The following TMEM266 variants were observed in gnomAD, a reference collection of about 807,000 sequenced individuals.
TMEM266 encodes the protein Hv1 related protein 1.
Under a neutral mutation model 50.5 loss-of-function variants are expected in TMEM266, and 33 were observed. The ratio of observed to expected loss-of-function variants is 0.65; its 90% CI spans 0.50 to 0.87. TMEM266 has a LOEUF of 0.87. TMEM266 is among the 40% of genes least tolerant of loss of function. TMEM266 has a pLI of 0.00. For synonymous variants in TMEM266, 310 were observed against 292.3 expected (o/e 1.06, Z -0.62); for missense variants, 655 against 695.1 (o/e 0.94, Z 0.65).
At chr15:76,109,610 A>G (rs899938987) in intron 1 of TMEM266, among the ~76,000 whole-genome samples, 5 of 152,180 alleles carry the variant, frequency 3.3e-5, no homozygotes, top group African/African-American at 1.2e-4. Context: ...TCCATGAGCC[A>G]TGATCCTGCC....
intron 2 of TMEM266, among the ~76,000 whole-genome samples, chr15:76,135,379 C>T (rs537190357): frequency 1.4e-3 from 216 of 152,316 alleles, no homozygotes; most frequent in African/African-American, 4.9e-3. Flanking sequence ...GAGATGGTGC[C>T]GGGCCGCTGG....
intron 9 of TMEM266, among the ~76,000 whole-genome samples, chr15:76,198,198 G>A (rs2038683999): frequency 6.6e-6 from 1 of 152,098 alleles, no homozygotes; most frequent in South Asian, 2.1e-4. Flanking sequence ...GTGGCTAAGG[G>A]ATCTACCTAA....
intron 3 of TMEM266, among the ~76,000 whole-genome samples, chr15:76,155,305 C>T (rs1251964764): frequency 6.6e-6 from 1 of 152,114 alleles, no homozygotes; most frequent in African/African-American, 2.4e-5. Context: ...TGAGGTTTGA[C>T]CTCAGCTCCC....
intron 8 of TMEM266, among the ~76,000 whole-genome samples, chr15:76,184,812 G>T (rs1041856406): frequency 2.6e-5 from 4 of 152,228 alleles, no homozygotes; most frequent in African/African-American, 7.2e-5. Context: ...AATGCATACT[G>T]CGGGCTTCCC....
In TMEM266 at chr15:76,204,542, C is replaced by T. The variant is rs894897751; in HGVS notation, c.*227C>T. 9 of 422,438 alleles carry T rather than the reference C, an allele frequency of 2.1e-5. No individual in the cohort carries two copies. The highest frequency in any genetic ancestry group is 3.5e-5 in the East Asian group (1 of 28,356). 26.2% of individuals were successfully genotyped at this position (422,438 alleles called of 1,614,324 possible). On this transcript the variant is annotated 3_prime_UTR_variant, in exon 11 of 11. Coordinates refer to ENST00000388942, the MANE Select transcript of TMEM266 (RefSeq NM_152335.3). ...GCCCTGCTCAGGGGAGGGTGGTGCT[C>T]GTGGCTGGGTTTTCTTTTTAACCAT...
chr15:76,112,631 C>CT (rs2037187035), intron 1 of TMEM266: 1 of 152,132 alleles, frequency 6.6e-6, no homozygotes, highest in Non-Finnish European at 1.5e-5. Flanking sequence ...GAGAGCTGTC[C>CT]TTTGAGTCTG....
intron 1 of TMEM266, among the ~76,000 whole-genome samples, chr15:76,066,965 G>A (rs1014450860): frequency 9.2e-5 from 14 of 152,026 alleles, no homozygotes; most frequent in African/African-American, 2.7e-4. Context: ...AGATGCCACC[G>A]GTACTACCGC....
chr15:76,068,496 A>G (rs930445374), intron 1 of TMEM266, among the ~76,000 whole-genome samples: 3 of 152,222 alleles, frequency 2.0e-5, no homozygotes, highest in Non-Finnish European at 4.4e-5. Flanking sequence ...ATATATGTAT[A>G]TGTTGAAGCC....
At chr15:76,184,136 G>C (rs934637391) in intron 8 of TMEM266, among the ~76,000 whole-genome samples, 1 of 152,222 alleles carries the variant, frequency 6.6e-6, no homozygotes, top group Non-Finnish European at 1.5e-5. Context: ...GACGGGGCTT[G>C]AGGCTGGCTC....
At position 76,098,351 on chromosome 15, in the gene TMEM266, T is replaced by G. The variant is rs1312972533; in HGVS notation, c.-96-35817T>G. On this transcript the variant is annotated intron_variant, in intron 1 of 10. Transcript: ENST00000388942. Reference sequence around the variant, plus strand: ...CTGACAGGCCCCTCTGCTGCTGGTCTGCTAGAGTTTGCTGGAGGACCACTC... The same window carrying G: ...CTGACAGGCCCCTCTGCTGCTGGTCGGCTAGAGTTTGCTGGAGGACCACTC... Among the ~76,000 whole-genome samples the G allele has an allele frequency of 2.6e-5, 4 of 152,122 alleles. No individual in the cohort carries two copies. The East Asian group carries it at 7.7e-4, about 29-fold the overall frequency.
chr15:76,133,542 GTAGT>G (rs1440134056), intron 1 of TMEM266, among the ~76,000 whole-genome samples: 1 of 152,204 alleles, frequency 6.6e-6, no homozygotes, highest in East Asian at 1.9e-4. Context: ...ATGACCTCAT[GTAGT>G]TAGTTCTGTT....
At chr15:76,092,930 C>T (rs994194463) in intron 1 of TMEM266, among the ~76,000 whole-genome samples, 1 of 149,488 alleles carries the variant, frequency 6.7e-6, no homozygotes, top group African/African-American at 2.4e-5. Context: ...GCCTCAGTCT[C>T]CTGAGTAGCT....
intron 1 of TMEM266, among the ~76,000 whole-genome samples, chr15:76,083,034 C>T (rs2036718771): frequency 6.6e-6 from 1 of 151,896 alleles, no homozygotes; most frequent in South Asian, 2.1e-4. Context: ...AGAACTCACT[C>T]GTTACTGTGG....
chr15:76,196,731 C>T (rs539231844), intron 9 of TMEM266, among the ~76,000 whole-genome samples: 15 of 151,832 alleles, frequency 9.9e-5, no homozygotes, highest in African/African-American at 2.7e-4. Context: ...CCCAGGAGGG[C>T]GGGGTGCCAG....
intron 1 of TMEM266, among the ~76,000 whole-genome samples, chr15:76,071,149 A>G (rs2141983900): frequency 6.6e-6 from 1 of 152,224 alleles, no homozygotes; most frequent in African/African-American, 2.4e-5. Flanking sequence ...TACCCCAGGA[A>G]CTTCCAGCAG....
rs34754489 is a variant in TMEM266, at chr15:76,111,083, C to CTT, written c.-96-23072_-96-23071dup. On this transcript the variant is annotated intron_variant, in intron 1 of 10. Transcript: ENST00000388942. ...TTTGGAAGACACACTTTCGCAGTTT[C>CTT]TTTTTTTTTTTTTTGAGATGGAGTT... is the stretch of plus-strand genomic sequence containing the variant. 1.2e-3 allele frequency among the ~76,000 whole-genome samples: 169 copies of CTT among 144,022 alleles called. 1 individual carries two copies. Among genetic ancestry groups the CTT allele is most frequent in the Middle Eastern group, 3.6e-3 (1 of 274 alleles). The allele number at this position is 144,022 out of a possible 152,430, so 94.5% of individuals were successfully genotyped here. A position where few individuals can be genotyped will look rare whatever the true frequency, so the allele number is the denominator to read the frequency against.
chr15:76,101,855 G>C (rs1234269272), intron 1 of TMEM266, among the ~76,000 whole-genome samples: 1 of 152,116 alleles, frequency 6.6e-6, no homozygotes, highest in East Asian at 1.9e-4. Flanking sequence ...GGGGGTAGAT[G>C]CTCGGAGGTG....
intron 1 of TMEM266, among the ~76,000 whole-genome samples, chr15:76,101,157 C>G (rs1383762985): frequency 6.6e-6 from 1 of 152,074 alleles, no homozygotes; most frequent in Non-Finnish European, 1.5e-5. Context: ...TAGTGACTTT[C>G]CCAGGATCAC....
chr15:76,115,156 A>G (rs2037229350), intron 1 of TMEM266, among the ~76,000 whole-genome samples: 1 of 152,174 alleles, frequency 6.6e-6, no homozygotes, highest in Admixed American at 6.5e-5. Context: ...AAGCATGCTC[A>G]TAAAAACTAC....
Sources: allele counts gnomAD v4.1 joint callset (sites outside exome capture counted in the v4.1 genomes callset), GRCh38; gene constraint gnomAD v4.1.1; transcripts MANE v1.5; gene names NCBI Gene and HGNC (gene_info 2026-07-23, HGNC 2026-07-21).